The following GPR162 variants were observed in gnomAD, a reference collection of about 807,000 sequenced individuals.
GPR162 encodes the protein G protein-coupled receptor 162, also known as probable G protein-coupled receptor 162.
In GPR162, 26 loss-of-function variants were observed where a neutral mutation model predicts 44.9. That is an observed-to-expected ratio of 0.58 (90% CI 0.42 to 0.80). The LOEUF (loss-of-function observed/expected upper bound fraction) is 0.80. GPR162 is among the 30% of genes least tolerant of loss of function. GPR162 has a pLI of 0.00. For missense variants in GPR162, 704 were observed against 802.3 expected (o/e 0.88, Z 1.48); for synonymous variants, 363 against 335.2 (o/e 1.08, Z -0.91).
Position 6,827,064 on chromosome 12 carries a change from C to T in GPR162, c.1627C>T (p.Pro543Ser). The change falls in exon 5 of 5, where the codon CCT (proline) becomes TCT (serine). Residue 543 changes from proline to serine, a missense_variant. By Grantham distance (74) the Pro-to-Ser change is moderately conservative. Coordinates refer to ENST00000311268, the MANE Select transcript of GPR162 (RefSeq NM_019858.2). ...LSPRRLSLGS[P>S]ESRAVGLPLG... ...ACCCCGCCGACTCTCCCTTGGGTCC[C>T]CTGAGAGCAGAGCCGTTGGACTTCC... The T allele has an allele frequency of 1.2e-6, 2 of 1,613,470 alleles. No homozygotes were observed. Among genetic ancestry groups the T allele is most frequent in the South Asian group, 1.1e-5 (1 of 91,084 alleles).
chr12:6,825,173 C>T (rs1943338091), intron 2 of GPR162: 1 of 537,886 alleles, frequency 1.9e-6, no homozygotes, highest in Non-Finnish European at 3.4e-6. Flanking sequence ...GGCTGGAAAT[C>T]CCACAGGGCT....
chr12:6,825,334 A>T, intron 2 of GPR162, 150 bp from the exon 3 acceptor site: 1 of 610,248 alleles, frequency 1.6e-6, no homozygotes, highest in Non-Finnish European at 2.9e-6. Flanking sequence ...CCCTCTGTTC[A>T]CTCCATCTCC....
Position 6,824,714 on chromosome 12 carries a change from G to T in GPR162, c.816G>T (p.Leu272Phe), listed in dbSNP as rs782696060. ...AGACATCCCTGCAGGTCACCAACTT[G>T]GTCAGCGCCATCGTCTTTCTCTATG... ...SAKTSLQVTN[L>F]VSAIVFLYDS... Residue 272 changes from leucine (L) to phenylalanine (F), a missense_variant, in exon 2 of 5, where the codon TTG becomes TTT. Leu to Phe is a conservative substitution (Grantham distance 22). This residue lies in a region of GPR162 where 92 missense variants were observed against 156.5 expected (regional missense o/e 0.59). Transcript: ENST00000311268. 6.2e-7 allele frequency: 1 copy of T among 1,613,960 alleles called. No homozygotes were observed. The highest frequency in any genetic ancestry group is 8.5e-7 in the Non-Finnish European group (1 of 1,180,000).
Position 6,826,323 on chromosome 12 carries a change from C to G in GPR162, c.1185C>G (p.Phe395Leu), listed in dbSNP as rs782202009. 6.2e-7 allele frequency: 1 copy of G among 1,613,664 alleles called. No individual in the cohort carries two copies. The highest frequency in any genetic ancestry group is 8.5e-7 in the Non-Finnish European group (1 of 1,179,940). ...VKLLPGRHML[F>L]PPLERVHYLQ... ...TGCTGCCTGGAAGGCACATGCTCTT[C>G]CCTCCTCTTGAGAGAGTCCACTACT... Residue 395 changes from phenylalanine (F) to leucine (L), a missense_variant, in exon 4 of 5, where the codon TTC becomes TTG. Coordinates refer to ENST00000311268, the MANE Select transcript of GPR162 (RefSeq NM_019858.2).
At position 6,824,948 on chromosome 12, in the gene GPR162, T is replaced by C. The variant is rs74059133; in HGVS notation, c.867+183T>C. ...GGCCCCCATCTTGATCATCTGTCTTTTAGTTCCCACTACCCTGTTTACCCC... is the reference window on the plus strand; with the variant it reads ...GGCCCCCATCTTGATCATCTGTCTTCTAGTTCCCACTACCCTGTTTACCCC... On this transcript the variant is annotated intron_variant, in intron 2 of 4. Transcript: ENST00000311268. The C allele has an allele frequency of 5.1e-3, 3,627 of 709,540 alleles. 98 individuals carry two copies. In the African/African-American group the frequency reaches 0.055, roughly 11 times the overall value. 44.0% of individuals were successfully genotyped at this position (709,540 alleles called of 1,614,324 possible).
At position 6,824,003 on chromosome 12, in the gene GPR162, C is replaced by G. The variant is rs1487281250; in HGVS notation, c.105C>G (p.Ile35Met). 1 of 1,608,926 alleles carries G rather than the reference C, an allele frequency of 6.2e-7. No homozygotes were observed. The highest frequency in any genetic ancestry group is 1.3e-5 in the African/African-American group (1 of 74,908). ...LLALLANAWI[I>M]LSISAKQQKH... ...CGCTGCTGGCCAATGCCTGGATCAT[C>G]CTCAGCATCTCGGCCAAGCAGCAGA... The change falls in exon 2 of 5, where the codon ATC becomes ATG. Residue 35 changes from isoleucine to methionine, a missense_variant. Around this residue, in one of 6 missense-constraint regions of GPR162, gnomAD observed 110 missense variants for 206.2 expected, o/e 0.53. Transcript: ENST00000311268.
chr12:6,826,813 G>C lies in GPR162; in HGVS notation c.1376G>C (p.Arg459Thr). 6.2e-7 allele frequency: 1 copy of C among 1,610,270 alleles called. No homozygotes were observed. The highest frequency in any genetic ancestry group is 8.5e-7 in the Non-Finnish European group (1 of 1,178,116). The part of the protein sequence containing the change: ...LGGPPEYLGQ[R>T]HRLEDEEDEE... ...GGTCCTCCTGAGTACCTGGGACAAA[G>C]ACACAGGTTGGAGGACGAGGAGGAC... is the stretch of plus-strand genomic sequence containing the variant. Residue 459 changes from arginine (R) to threonine (T), a missense_variant, in exon 5 of 5, where the codon AGA becomes ACA. Transcript: ENST00000311268.
At position 6,827,090 on chromosome 12, in the gene GPR162, T is replaced by G; in HGVS notation, c.1653T>G (p.Pro551=). 1 of 1,613,350 alleles carries G rather than the reference T, an allele frequency of 6.2e-7. No homozygotes were observed. The highest frequency in any genetic ancestry group is 1.1e-5 in the South Asian group (1 of 91,088). The change falls in exon 5 of 5, where the codon CCT becomes CCG. Residue 551 remains proline, a synonymous_variant. Coordinates refer to ENST00000311268, the MANE Select transcript of GPR162 (RefSeq NM_019858.2). ...GSPESRAVGL[P]LGLSAGRRCS... ...CTGAGAGCAGAGCCGTTGGACTTCCTTTGGGACTAAGCGCAGGGAGACGCT... is the reference window on the plus strand; with the variant it reads ...CTGAGAGCAGAGCCGTTGGACTTCCGTTGGGACTAAGCGCAGGGAGACGCT...
At position 6,824,773 on chromosome 12, in the gene GPR162, C is replaced by A; in HGVS notation, c.867+8C>A. On this transcript the variant is annotated splice_region_variant and intron_variant, in intron 2 of 4. Transcript: ENST00000311268. The stretch of plus-strand genomic sequence containing the variant: ...ACAGGGGTGCCCATCTTGGTGAGAT[C>A]GGGGTCCTCCCCACCTGTTCTCCCC... 1 of 1,608,656 alleles carries A rather than the reference C, an allele frequency of 6.2e-7. No homozygotes were observed. Among genetic ancestry groups the A allele is most frequent in the Non-Finnish European group, 8.5e-7 (1 of 1,178,086 alleles).
In GPR162 at chr12:6,825,491, GCTT is replaced by G; in HGVS notation, c.881_883del (p.Phe294del). On this transcript the variant is annotated inframe_deletion, in exon 3 of 5. Coordinates refer to ENST00000311268, the MANE Select transcript of GPR162 (RefSeq NM_019858.2). ...GCTCCCACCCTTCCCCAGGTGGTGA[GCTT>G]CTTCTCCCTCAAGTCGGACTCGGCG... 6.2e-7 allele frequency: 1 copy of G among 1,606,766 alleles called. No homozygotes were observed.
intron 2 of GPR162, chr12:6,825,182 C>G: frequency 1.8e-6 from 1 of 542,836 alleles, no homozygotes. Context: ...TCCCACAGGG[C>G]TCACCCCACC....
chr12:6,827,030 G>GGGCCTCTC lies in GPR162; in HGVS notation c.1594_1601dup (p.Pro535AlafsTer23), dbSNP rs1440521805. 1.2e-5 allele frequency: 20 copies of GGGCCTCTC among 1,613,232 alleles called. No homozygotes were observed. The highest frequency in any genetic ancestry group is 1.4e-5 in the Non-Finnish European group (16 of 1,180,034). The stretch of plus-strand genomic sequence containing the variant: ...ACTCTCCTCGTCGGCCCCGGCCACT[G>GGGCCTCTC]GGCCTCTCACCCCGCCGACTCTCCC... On this transcript the variant is annotated frameshift_variant, in exon 5 of 5. Transcript: ENST00000311268. LOFTEE classifies it high-confidence loss of function.
At chr12:6,826,416 G>A in intron 4 of GPR162, 63 bp downstream of exon 4, 2 of 1,465,712 alleles carry the variant, frequency 1.4e-6, no homozygotes, top group Non-Finnish European at 1.9e-6. Context: ...TCCAGTGTCT[G>A]TTAGGCACCC....
Position 6,826,297 on chromosome 12 carries a change from C to T in GPR162, c.1159C>T (p.Leu387=), listed in dbSNP as rs2137948870. 1.2e-6 allele frequency: 2 copies of T among 1,613,866 alleles called. No individual in the cohort carries two copies. The highest frequency in any genetic ancestry group is 1.7e-6 in the Non-Finnish European group (2 of 1,179,938). ...GAGCCGGGACCCCGCCCAGGTGAAGCTGCTGCCTGGAAGGCACATGCTCTT... is the reference window on the plus strand; with the variant it reads ...GAGCCGGGACCCCGCCCAGGTGAAGTTGCTGCCTGGAAGGCACATGCTCTT... ...PGSRDPAQVK[L]LPGRHMLFPP... is the part of the protein sequence containing the mutation. Residue 387 remains leucine, a synonymous_variant, in exon 4 of 5, where the codon CTG becomes TTG. Coordinates refer to ENST00000311268, the MANE Select transcript of GPR162 (RefSeq NM_019858.2).
chr12:6,826,969 A>G lies in GPR162; in HGVS notation c.1532A>G (p.Glu511Gly). The change falls in exon 5 of 5, where the codon GAG becomes GGG. Residue 511 changes from glutamate (E) to glycine (G), a missense_variant. This residue lies in a region of GPR162 where 404 missense variants were observed against 314.1 expected (regional missense o/e 1.29). Coordinates refer to ENST00000311268, the MANE Select transcript of GPR162 (RefSeq NM_019858.2). ...FREEITTFIDETPLPSPTASP... is the reference protein window; with the variant it reads ...FREEITTFIDGTPLPSPTASP... ...GAGGAGATCACCACCTTCATCGATG[A>G]GACACCTCTGCCTTCTCCGACTGCC... 1 of 1,613,322 alleles carries G rather than the reference A, an allele frequency of 6.2e-7. No individual in the cohort carries two copies. Among genetic ancestry groups the G allele is most frequent in the Non-Finnish European group, 8.5e-7 (1 of 1,179,982 alleles).
At chr12:6,826,578 C>T (rs1345935535) in intron 4 of GPR162, 75 bp from the exon 5 acceptor site, 87 of 1,345,092 alleles carry the variant, frequency 6.5e-5, no homozygotes, top group South Asian at 8.6e-5. Context: ...CACCATCTTC[C>T]GGAGTCCCCA....
chr12:6,825,959 T>C (rs1943348844), intron 3 of GPR162, among the ~76,000 whole-genome samples: 1 of 152,146 alleles, frequency 6.6e-6, no homozygotes, highest in Non-Finnish European at 1.5e-5. Flanking sequence ...CCCCCAGCTA[T>C]AGGGACGGCT....
At chr12:6,826,504 C>A (rs1468863265) in intron 4 of GPR162, 149 bp from the exon 5 acceptor site, 6 of 1,051,040 alleles carry the variant, frequency 5.7e-6, no homozygotes, top group Admixed American at 2.4e-5. Flanking sequence ...GAGAGGCATC[C>A]CTTCAGACCT....
rs782247317 is a variant in GPR162 at position 6,826,789 on chromosome 12, G to A, written c.1352G>A (p.Gly451Asp). The A allele has an allele frequency of 2.1e-5, 34 of 1,609,270 alleles. No homozygotes were observed. Among genetic ancestry groups the A allele is most frequent in the Non-Finnish European group, 2.6e-5 (31 of 1,177,682 alleles). Residue 451 changes from glycine (G) to aspartate (D), a missense_variant, in exon 5 of 5, where the codon GGT becomes GAT. This residue lies in a region of GPR162 where 404 missense variants were observed against 314.1 expected (regional missense o/e 1.29). Transcript: ENST00000311268. ...VLPAQSRALG[G>D]PPEYLGQRHR... is the part of the protein sequence containing the mutation. The stretch of plus-strand genomic sequence containing the variant: ...CCAGCCCAGAGCCGGGCCCTCGGGG[G>A]TCCTCCTGAGTACCTGGGACAAAGA...
Sources: gnomAD v4.1 joint callset for allele counts (sites outside exome capture counted in the v4.1 genomes callset) on GRCh38, gnomAD v4.1.1 for gene constraint, gnomAD v4.1.1 regional missense constraint, MANE v1.5 for transcripts, NCBI Gene and HGNC (gene_info 2026-07-23, HGNC 2026-07-21) for gene names.